HERC2: variants seen among roughly 807,000 people sequenced by gnomAD.
HERC2 encodes the protein HECT and RLD domain containing E3 ubiquitin protein ligase 2, also known as E3 ubiquitin-protein ligase HERC2.
A neutral mutation model predicts 537.7 loss-of-function variants in HERC2; 102 were observed. The ratio of observed to expected loss-of-function variants is 0.19; its 90% CI spans 0.16 to 0.22. HERC2 has a LOEUF of 0.22. Ranked by LOEUF, HERC2 falls within the 10% of genes least tolerant of loss-of-function variation. The probability of loss-of-function intolerance (pLI) is 1.00; values close to 1 mark genes in which losing one functional copy is unlikely to be tolerated. For missense variants in HERC2, 4,236 were observed against 6,198.2 expected, an observed-to-expected ratio of 0.68 and a Z score of 10.63; for synonymous variants, 2,224 against 2,466.2, an observed-to-expected ratio of 0.90 and a Z score of 2.91.
In HERC2 at chr15:28,213,871, C is replaced by G. The variant is rs1419557693; in HGVS notation, c.6657G>C (p.Leu2219=). Reference sequence around the variant, plus strand: ...ACTCATCGTGCATAACTTGACCGCCCAGGCGCAGGCGACCATCGATGCCTC... The same window carrying G: ...ACTCATCGTGCATAACTTGACCGCCGAGGCGCAGGCGACCATCGATGCCTC... ...VIGGIDGRLR[L]GGQVMHDEFG... is the part of the protein sequence containing the mutation. Residue 2219 remains leucine (L), a synonymous_variant, in exon 42 of 93, where the codon CTG becomes CTC. Coordinates refer to ENST00000261609, the MANE Select transcript of HERC2 (RefSeq NM_004667.6). The G allele has an allele frequency of 6.2e-7, 1 of 1,613,990 alleles. No individual in the cohort carries two copies. The highest frequency in any genetic ancestry group is 1.3e-5 in the African/African-American group (1 of 75,018).
chr15:28,171,138 A>C (rs1237268462), intron 65 of HERC2, among the ~76,000 whole-genome samples: 3 of 152,230 alleles, frequency 2.0e-5, no homozygotes, highest in Non-Finnish European at 4.4e-5. Context: ...CCAAAGAAAT[A>C]AGAACTTATT....
chr15:28,168,890 C>T (rs1201006934), intron 66 of HERC2, among the ~76,000 whole-genome samples: 1 of 152,208 alleles, frequency 6.6e-6, no homozygotes, highest in Non-Finnish European at 1.5e-5. Flanking sequence ...TCCTCTTGGG[C>T]TGCTGTGAGA....
At chr15:28,227,744 C>G (rs1312258009) in intron 35 of HERC2, among the ~76,000 whole-genome samples, 1 of 152,042 alleles carries the variant, frequency 6.6e-6, no homozygotes, top group African/African-American at 2.4e-5. Context: ...CAAAACCAAC[C>G]CAAATGTCCA....
chr15:28,313,766 G>C (rs2077007602), intron 2 of HERC2, among the ~76,000 whole-genome samples: 1 of 152,270 alleles, frequency 6.6e-6, no homozygotes, highest in East Asian at 1.9e-4. Context: ...GGAACATTAA[G>C]TACGTCGATT....
intron 23 of HERC2, among the ~76,000 whole-genome samples, chr15:28,240,499 A>C (rs1362978388): frequency 2.0e-5 from 3 of 152,224 alleles, no homozygotes. Flanking sequence ...TGAGAGGGGA[A>C]CATACTCACC....
intron 44 of HERC2, among the ~76,000 whole-genome samples, chr15:28,210,106 C>T (rs1224025669): frequency 4.0e-5 from 6 of 151,606 alleles, no homozygotes; most frequent in African/African-American, 7.3e-5. Flanking sequence ...GGATTACAGG[C>T]GGCCACCACT....
At chr15:28,248,450 A>G (rs1025620824) in intron 21 of HERC2, 102 bp downstream of exon 21, 54 of 810,734 alleles carry the variant, frequency 6.7e-5, no homozygotes, top group Admixed American at 6.3e-4. Context: ...ATTTAGTAGT[A>G]TAACAACTAC....
At position 28,114,160 on chromosome 15, in the gene HERC2, C is replaced by G. The variant is rs1026236114; in HGVS notation, c.13913+452G>C. Among the ~76,000 whole-genome samples, 14 of 152,194 alleles carry G rather than the reference C, an allele frequency of 9.2e-5. 1 individual carries two copies. Among genetic ancestry groups the G allele is most frequent in the Non-Finnish European group, 1.5e-4 (10 of 68,032 alleles). ...GTGCTTCCAGGGGACATGGGACAAGCAGTGGAAGCTGTGGGTGGTGGTAAT... is the reference window on the plus strand; with the variant it reads ...GTGCTTCCAGGGGACATGGGACAAGGAGTGGAAGCTGTGGGTGGTGGTAAT... On this transcript the variant is annotated intron_variant, in intron 90 of 92. Coordinates refer to ENST00000261609, the MANE Select transcript of HERC2 (RefSeq NM_004667.6).
At chr15:28,254,846 T>A (rs1413639158) in intron 19 of HERC2, among the ~76,000 whole-genome samples, 1 of 152,242 alleles carries the variant, frequency 6.6e-6, no homozygotes, top group African/African-American at 2.4e-5. Flanking sequence ...AACATCCAGC[T>A]GCTTTGTAAG....
chr15:28,262,806 T>C, intron 15 of HERC2, 112 bp downstream of exon 15: 1 of 1,155,472 alleles, frequency 8.7e-7, no homozygotes, highest in South Asian at 1.5e-5. Context: ...GTTAAGAACA[T>C]AAAACCTGCT....
rs1901433023 is a variant in HERC2, at chr15:28,228,198, T to G, written c.5464+20A>C. The G allele has an allele frequency of 1.2e-6, 2 of 1,605,348 alleles. No individual in the cohort carries two copies. The highest frequency in any genetic ancestry group is 1.7e-6 in the Non-Finnish European group (2 of 1,175,160). ...AATCTTGACATTTTCCCAAAGGCGC[T>G]CAAGCGGGTGCAGACCTACCAATCA... On this transcript the variant is annotated intron_variant, in intron 35 of 92. Coordinates refer to ENST00000261609, the MANE Select transcript of HERC2 (RefSeq NM_004667.6).
intron 12 of HERC2, 50 bp from the exon 13 acceptor site, chr15:28,266,024 T>C: frequency 1.3e-6 from 2 of 1,591,230 alleles, no homozygotes; most frequent in Non-Finnish European, 1.7e-6. Context: ...TGGTGTTATT[T>C]CTTATTAATG....
chr15:28,262,160 A>C (rs2075432476), intron 15 of HERC2, among the ~76,000 whole-genome samples: 1 of 152,148 alleles, frequency 6.6e-6, no homozygotes, highest in African/African-American at 2.4e-5. Flanking sequence ...GCCCTTCAAC[A>C]GTTCTCGATT....
At chr15:28,223,504 C>T (rs1402825216) in intron 35 of HERC2, among the ~76,000 whole-genome samples, 9 of 152,072 alleles carry the variant, frequency 5.9e-5, no homozygotes, top group Non-Finnish European at 1.2e-4. Flanking sequence ...TTAGCCTAGC[C>T]GCTACTTTAG....
chr15:28,242,836 G>T (rs1022560944), intron 23 of HERC2, among the ~76,000 whole-genome samples: 1 of 152,168 alleles, frequency 6.6e-6, no homozygotes, highest in African/African-American at 2.4e-5. Flanking sequence ...AAAAGCATGT[G>T]ATGAAACTTA....
rs1460693865 is a variant in HERC2 at position 28,228,601 on chromosome 15, T to A, written c.5273-192A>T. On this transcript the variant is annotated intron_variant, in intron 34 of 92. Coordinates refer to ENST00000261609, the MANE Select transcript of HERC2 (RefSeq NM_004667.6). The stretch of plus-strand genomic sequence containing the variant: ...CTCTAAACATCTGACTAATAAGCAT[T>A]GACACCCACCTACATTTCTTGTGCA... Among the ~76,000 whole-genome samples the A allele has an allele frequency of 2.1e-4, 32 of 152,204 alleles. 1 individual carries two copies. Among genetic ancestry groups the A allele is most frequent in the Admixed American group, 2.0e-3 (31 of 15,286 alleles).
chr15:28,117,186 C>T (rs771424146), intron 86 of HERC2, 32 bp from the exon 87 acceptor site: 33 of 1,610,650 alleles, frequency 2.0e-5, no homozygotes, highest in Admixed American at 1.3e-4. Flanking sequence ...AGCGTGAGGC[C>T]GCTGCCGCAG....
At chr15:28,115,916 C>T (rs529466987) in intron 88 of HERC2, among the ~76,000 whole-genome samples, 1 of 152,322 alleles carries the variant, frequency 6.6e-6, no homozygotes, top group East Asian at 1.9e-4. Context: ...ACACCCTGCA[C>T]ACCCTCAGTG....
At chr15:28,318,025 G>A (rs1320038994) in intron 2 of HERC2, among the ~76,000 whole-genome samples, 2 of 152,154 alleles carry the variant, frequency 1.3e-5, no homozygotes, top group African/African-American at 4.8e-5. Context: ...GCAAGAAGGG[G>A]CAGGATAACT....
Sources: gnomAD v4.1 joint callset for allele counts (sites outside exome capture counted in the v4.1 genomes callset) on GRCh38, gnomAD v4.1.1 for gene constraint, MANE v1.5 for transcripts, NCBI Gene and HGNC (gene_info 2026-07-23, HGNC 2026-07-21) for gene names.